Variants in FRMPD4 observed in about 807,000 individuals in gnomAD.
FRMPD4 encodes FERM and PDZ domain-containing protein 4.
In FRMPD4, 22 loss-of-function variants were observed where a neutral mutation model predicts 94.1. The ratio of observed to expected loss-of-function variants is 0.23; its 90% CI spans 0.17 to 0.33. FRMPD4 has a LOEUF of 0.33. Ranked by LOEUF, FRMPD4 falls within the 10% of genes least tolerant of loss-of-function variation. FRMPD4 has a pLI of 1.00. For synonymous variants in FRMPD4, 631 were observed against 548.6 expected, an observed-to-expected ratio of 1.15 and a Z score of -2.10; for missense variants, 1,111 against 1,339.9, an observed-to-expected ratio of 0.83 and a Z score of 2.67.
At chrX:12,615,853 A>G (rs902630845) in intron 4 of FRMPD4, among the ~76,000 whole-genome samples, 1 of 110,845 alleles carries the variant, frequency 9.0e-6, no homozygotes, top group African/African-American at 3.3e-5. Context: ...AACCTAATAC[A>G]TCTGTACTTT....
intron 1 of FRMPD4, among the ~76,000 whole-genome samples, chrX:12,351,000 C>T (rs1365841496): frequency 1.8e-5 from 2 of 111,045 alleles, no homozygotes; most frequent in Non-Finnish European, 1.9e-5. Context: ...ATGGTGAAAC[C>T]CCGTCTCTAC....
intron 1 of FRMPD4, among the ~76,000 whole-genome samples, chrX:11,850,368 A>C (rs1269792238): frequency 8.9e-6 from 1 of 112,703 alleles, no homozygotes; most frequent in Non-Finnish European, 1.9e-5. Context: ...AAATATTGCA[A>C]CAACTATAGG....
chrX:12,664,543 G>A (rs1413260328), intron 4 of FRMPD4, among the ~76,000 whole-genome samples: 2 of 111,899 alleles, frequency 1.8e-5, no homozygotes, highest in Non-Finnish European at 3.8e-5. Context: ...TTGCATCCCA[G>A]GGATGAAGCC....
chrX:12,480,333 G>A (rs368292751), intron 1 of FRMPD4, among the ~76,000 whole-genome samples: 55 of 54,607 alleles, frequency 1.0e-3, no homozygotes, highest in Admixed American at 1.6e-3. Flanking sequence ...GAAAAGAAAT[G>A]AAAAAAAAAA....
chrX:12,039,227 T>A (rs2054738242), intron 3 of FRMPD4, among the ~76,000 whole-genome samples: 1 of 109,851 alleles, frequency 9.1e-6, no homozygotes, highest in African/African-American at 3.3e-5. Flanking sequence ...ATTTTTATTT[T>A]TTTTTTGACT....
chrX:11,899,909 T>A (rs894980366), intron 3 of FRMPD4, among the ~76,000 whole-genome samples: 2 of 112,214 alleles, frequency 1.8e-5, no homozygotes, highest in Non-Finnish European at 3.8e-5. Flanking sequence ...TCAAAACTTG[T>A]TGATTTTATT....
intron 1 of FRMPD4, among the ~76,000 whole-genome samples, chrX:12,459,307 T>G (rs925507191): frequency 9.0e-6 from 1 of 110,930 alleles, no homozygotes; most frequent in Non-Finnish European, 1.9e-5. Context: ...CCCCCACCAT[T>G]CCCAGCATTA....
chrX:12,614,661 T>C (rs1458964790), intron 3 of FRMPD4, 118 bp from the exon 4 acceptor site: 3 of 467,601 alleles, frequency 6.4e-6, no homozygotes, highest in South Asian at 3.6e-5. Flanking sequence ...CCAAGTGTGG[T>C]TGGGTTTCGG....
chrX:12,557,798 A>G (rs2058612449), intron 2 of FRMPD4, among the ~76,000 whole-genome samples: 1 of 92,357 alleles, frequency 1.1e-5, no homozygotes, highest in African/African-American at 4.2e-5. Flanking sequence ...TATTGTGCAC[A>G]ATCCCTTGGT....
chrX:12,301,732 C>A (rs1263767920), intron 1 of FRMPD4, among the ~76,000 whole-genome samples: 1 of 112,514 alleles, frequency 8.9e-6, no homozygotes, highest in African/African-American at 3.2e-5. Flanking sequence ...AGTAAACACT[C>A]AATGGCTATT....
In FRMPD4 at chrX:11,880,043, A is replaced by G. The variant is rs180769293; in HGVS notation, c.95+2025A>G. Among the ~76,000 whole-genome samples, 15 of 112,587 alleles carry G rather than the reference A, an allele frequency of 1.3e-4. No individual in the cohort carries two copies. In the East Asian group the frequency reaches 4.2e-3, roughly 31 times the overall value. ...CTTTTCTAAAGTTTTATAACTCTTTAAAATTAAAGTGACTTGAGATTGTTT... is the reference window on the plus strand; with the variant it reads ...CTTTTCTAAAGTTTTATAACTCTTTGAAATTAAAGTGACTTGAGATTGTTT... On this transcript the variant is annotated intron_variant, in intron 3 of 18. Coordinates refer to the FRMPD4 transcript ENST00000640291.
At chrX:11,848,861 T>C (rs758750517) in intron 1 of FRMPD4, among the ~76,000 whole-genome samples, 6 of 111,966 alleles carry the variant, frequency 5.4e-5, no homozygotes, top group African/African-American at 1.9e-4. Flanking sequence ...TACTCAATTG[T>C]GAAAGACCGA....
At chrX:11,893,133 T>C (rs190002241) in intron 3 of FRMPD4, among the ~76,000 whole-genome samples, 101 of 111,775 alleles carry the variant, frequency 9.0e-4, no homozygotes, top group Admixed American at 1.5e-3. Context: ...CAGTCTTTAT[T>C]TGGATTTCAC....
chrX:12,437,400 TTTTCTTTCTTTC>T (rs35076495), intron 1 of FRMPD4, among the ~76,000 whole-genome samples: 7 of 107,985 alleles, frequency 6.5e-5, no homozygotes, highest in African/African-American at 2.4e-4. Context: ...ATATATTCTT[TTTTCTTTCTTTC>T]TTTCTTTCTT....
At chrX:12,378,978 T>C (rs1171003057) in intron 1 of FRMPD4, among the ~76,000 whole-genome samples, 2 of 111,813 alleles carry the variant, frequency 1.8e-5, no homozygotes, top group Non-Finnish European at 1.9e-5. Context: ...TTTGAAGTAG[T>C]GGTTCTAATT....
At chrX:12,088,748 A>G (rs958570176) in intron 3 of FRMPD4, among the ~76,000 whole-genome samples, 1 of 112,420 alleles carries the variant, frequency 8.9e-6, no homozygotes, top group Non-Finnish European at 1.9e-5. Context: ...CTACCTGGAA[A>G]TAAGGGAGAA....
intron 1 of FRMPD4, among the ~76,000 whole-genome samples, chrX:12,372,401 G>T (rs2056174953): frequency 8.8e-6 from 1 of 112,995 alleles, no homozygotes; most frequent in African/African-American, 3.2e-5. Context: ...ATGAGGCCAG[G>T]TATGGGTATT....
chrX:12,721,470 C>T lies in FRMPD4; in HGVS notation c.4901C>T (p.Ala1634Val), dbSNP rs1306407967. 1.3e-6 allele frequency: 1 copy of T among 752,839 alleles called. No individual in the cohort carries two copies. The highest frequency in any genetic ancestry group is 1.6e-6 in the Non-Finnish European group (1 of 638,100). 62.0% of individuals were successfully genotyped at this position (752,839 alleles called of 1,213,427 possible). ...AAGAGGGAGGAGTCACGCCCTGAAG[C>T]GTACGACCTTACACTTTCTCAGTAC... ...KEKREESRPE[A>V]YDLTLSQYKQ... The change falls in exon 17 of 17, where the codon GCG becomes GTG. Residue 1634 changes from alanine (A) to valine (V), a missense_variant. Around this residue, in one of 8 missense-constraint regions of FRMPD4, gnomAD observed 551 missense variants for 591.6 expected, o/e 0.93. Coordinates refer to ENST00000675598, the MANE Select transcript of FRMPD4 (RefSeq NM_001368397.1).
chrX:12,265,021 A>C (rs184464586), intron 1 of FRMPD4, among the ~76,000 whole-genome samples: 8 of 112,377 alleles, frequency 7.1e-5, no homozygotes, highest in African/African-American at 2.3e-4. Context: ...TAGCAGTAGA[A>C]GAAAAAGTTG....
Sources: allele counts gnomAD v4.1 joint callset (sites outside exome capture counted in the v4.1 genomes callset), GRCh38; gene constraint gnomAD v4.1.1; regional missense constraint gnomAD v4.1.1; transcripts MANE v1.5; gene names NCBI Gene and HGNC (gene_info 2026-07-23, HGNC 2026-07-21).